DUSP14: variants seen among roughly 807,000 people sequenced by gnomAD.
DUSP14 encodes dual specificity protein phosphatase 14.
In DUSP14, 5 loss-of-function variants were observed where a neutral mutation model predicts 13.2. The observed-to-expected ratio is 0.38, with a 90% CI of 0.20 to 0.80. The LOEUF (loss-of-function observed/expected upper bound fraction) is 0.80, where lower values mean the gene tolerates loss of function less well. Ranked by LOEUF, DUSP14 falls within the 30% of genes least tolerant of loss-of-function variation. The pLI is 0.44. For synonymous variants in DUSP14, 91 were observed against 103.4 expected, an observed-to-expected ratio of 0.88 and a Z score of 0.73; for missense variants, 185 against 264.0, an observed-to-expected ratio of 0.70 and a Z score of 2.07.
chr17:37,498,672 A>G (rs2054083557), intron 1 of DUSP14, among the ~76,000 whole-genome samples: 1 of 100,334 alleles, frequency 1.0e-5, no homozygotes. Flanking sequence ...TATGAAAGTA[A>G]TCAGTTTTTT....
chr17:37,494,907 C>T (rs1211645070), intron 1 of DUSP14, among the ~76,000 whole-genome samples: 3 of 152,160 alleles, frequency 2.0e-5, no homozygotes, highest in Middle Eastern at 3.2e-3. Flanking sequence ...ACTCTATTTT[C>T]AGTCTTTATT....
chr17:37,507,545 C>T (rs1479891768), intron 1 of DUSP14, among the ~76,000 whole-genome samples: 2 of 152,122 alleles, frequency 1.3e-5, no homozygotes, highest in African/African-American at 4.8e-5. Context: ...CTCTTCCTCC[C>T]GGGTTCAAGC....
chr17:37,512,367 C>T lies in DUSP14; in HGVS notation c.95C>T (p.Ser32Phe). The change falls in exon 3 of 3, where the codon TCC (serine) becomes TTC (phenylalanine). Residue 32 changes from serine to phenylalanine, a missense_variant. Transcript: ENST00000617516. The surrounding 1 kb of genome is among the most constrained non-coding windows in gnomAD (Gnocchi z 4.8). Reference protein sequence around the residue: ...GDIGGIAQITSSLFLGRGSVA... With the variant: ...GDIGGIAQITFSLFLGRGSVA... Reference sequence around the variant, plus strand: ...ATAGGAGGCATTGCTCAAATCACCTCCTCTCTATTCCTGGGCAGAGGCAGT... The same window carrying T: ...ATAGGAGGCATTGCTCAAATCACCTTCTCTCTATTCCTGGGCAGAGGCAGT... The T allele has an allele frequency of 6.2e-7, 1 of 1,614,164 alleles. No individual in the cohort carries two copies. Among genetic ancestry groups the T allele is most frequent in the Non-Finnish European group, 8.5e-7 (1 of 1,180,024 alleles).
intron 2 of DUSP14, among the ~76,000 whole-genome samples, chr17:37,511,127 G>C (rs774354334): frequency 6.6e-6 from 1 of 152,110 alleles, no homozygotes; most frequent in Non-Finnish European, 1.5e-5. Context: ...TTAAGGTGAA[G>C]TTATTTAGCC....
At chr17:37,506,407 A>G (rs2054138675) in intron 1 of DUSP14, among the ~76,000 whole-genome samples, 1 of 152,006 alleles carries the variant, frequency 6.6e-6, no homozygotes, top group Admixed American at 6.6e-5. Context: ...TTCCTCCAAG[A>G]AGCACGTGCC....
At chr17:37,495,154 A>C (rs1334719349) in intron 1 of DUSP14, among the ~76,000 whole-genome samples, 1 of 152,114 alleles carries the variant, frequency 6.6e-6, no homozygotes, top group African/African-American at 2.4e-5. Flanking sequence ...CAGCTTTCAC[A>C]AAGGAGCTCC....
chr17:37,505,786 A>C (rs2054133953), intron 1 of DUSP14, among the ~76,000 whole-genome samples: 1 of 152,172 alleles, frequency 6.6e-6, no homozygotes, highest in Admixed American at 6.5e-5. Context: ...ACAAGGCTAC[A>C]AGGCTGATGC....
intron 1 of DUSP14, among the ~76,000 whole-genome samples, chr17:37,506,617 C>A (rs2054139672): frequency 6.6e-6 from 1 of 152,136 alleles, no homozygotes; most frequent in Admixed American, 6.5e-5. Flanking sequence ...TTCCCTGTCT[C>A]CCAGGACACA....
Position 37,489,930 on chromosome 17 carries a change from C to G in DUSP14, c.-209C>G, listed in dbSNP as rs1289475231. 1 of 81,868 alleles carries G rather than the reference C, an allele frequency of 1.2e-5. No homozygotes were observed. The highest frequency in any genetic ancestry group is 2.3e-5 in the Non-Finnish European group (1 of 42,786). The allele number at this position is 81,868 out of a possible 1,614,324, so 5.1% of individuals were successfully genotyped here. On this transcript the variant is annotated 5_prime_UTR_variant, in exon 1 of 3. Transcript: ENST00000617516. ...CCGCGCAGGAGGACGGAGCCCTAAC[C>G]GCAACCCGCTCCGCGCCGCGCCGCG...
At chr17:37,494,413 T>C (rs774907453) in intron 1 of DUSP14, among the ~76,000 whole-genome samples, 3 of 152,194 alleles carry the variant, frequency 2.0e-5, no homozygotes, top group Admixed American at 6.6e-5. Context: ...AGTCTAGCAG[T>C]GTGGCTCAGG....
At position 37,498,500 on chromosome 17, in the gene DUSP14, G is replaced by A. The variant is rs573811275; in HGVS notation, c.-181+8542G>A. On this transcript the variant is annotated intron_variant, in intron 1 of 2. Transcript: ENST00000617516. ...CGCCACCACACCTGGCTAATTTTTTGTATTTTTAGTAGAGACGGGGTTTCA... is the reference window on the plus strand; with the variant it reads ...CGCCACCACACCTGGCTAATTTTTTATATTTTTAGTAGAGACGGGGTTTCA... Among the ~76,000 whole-genome samples, 8 of 151,694 alleles carry A rather than the reference G, an allele frequency of 5.3e-5. 1 individual carries two copies. In the East Asian group the frequency reaches 1.6e-3, roughly 29 times the overall value.
At chr17:37,502,877 T>C (rs1597970672) in intron 1 of DUSP14, among the ~76,000 whole-genome samples, 1 of 152,146 alleles carries the variant, frequency 6.6e-6, no homozygotes, top group African/African-American at 2.4e-5. Context: ...TTTTTTTGTT[T>C]GTTTGTTGCT....
chr17:37,490,515 C>T (rs2054020431), intron 1 of DUSP14, among the ~76,000 whole-genome samples: 1 of 152,094 alleles, frequency 6.6e-6, no homozygotes, highest in African/African-American at 2.4e-5. Flanking sequence ...ACCCTTGCTC[C>T]GGAGCGAAGT....
At chr17:37,491,740 A>G (rs1370403133) in intron 1 of DUSP14, 4 of 152,230 alleles carry the variant, frequency 2.6e-5, no homozygotes, top group African/African-American at 9.6e-5. Context: ...ACATTTTTAA[A>G]AAGTGGGCTT....
At chr17:37,493,343 G>A (rs2054041761) in intron 1 of DUSP14, among the ~76,000 whole-genome samples, 1 of 152,154 alleles carries the variant, frequency 6.6e-6, no homozygotes, top group African/African-American at 2.4e-5. Flanking sequence ...TTTCTGGTCT[G>A]GGGCAATTAT....
chr17:37,501,857 A>C (rs535167906), intron 1 of DUSP14, among the ~76,000 whole-genome samples: 1 of 152,086 alleles, frequency 6.6e-6, no homozygotes, highest in Non-Finnish European at 1.5e-5. Context: ...GAGAAAAAGC[A>C]TGGTATACAA....
At chr17:37,509,272 TATATATATATATATATATATATATA>T (rs1291327399) in intron 1 of DUSP14, among the ~76,000 whole-genome samples, 4,217 of 28,672 alleles carry the variant, frequency 0.15, 241 homozygotes, top group South Asian at 0.21. Flanking sequence ...TATATATATA[TATATATATATATATATATATATATA>T]GTGTGTGTGT....
intron 1 of DUSP14, among the ~76,000 whole-genome samples, chr17:37,504,316 CTGTGGCTGCAT>C (rs1174791962): frequency 6.6e-6 from 1 of 152,236 alleles, no homozygotes; most frequent in Non-Finnish European, 1.5e-5. Flanking sequence ...GGCAGCTGCT[CTGTGGCTGCAT>C]GTCACACTGA....
At chr17:37,493,692 A>T (rs1355847584) in intron 1 of DUSP14, among the ~76,000 whole-genome samples, 2 of 150,020 alleles carry the variant, frequency 1.3e-5, no homozygotes, top group East Asian at 3.9e-4. Flanking sequence ...TTTTTTTGGA[A>T]CAGATGAGTA....
Sources: allele counts gnomAD v4.1 joint callset (sites outside exome capture counted in the v4.1 genomes callset), GRCh38; gene constraint gnomAD v4.1.1; non-coding constraint Gnocchi (gnomAD v3.1); transcripts MANE v1.5; gene names NCBI Gene and HGNC (gene_info 2026-07-23, HGNC 2026-07-21).